RUNX1: variants seen among roughly 807,000 people sequenced by gnomAD.
RUNX1 encodes the protein RUNX family transcription factor 1.
Under a neutral mutation model 42.8 loss-of-function variants are expected in RUNX1, and 19 were observed. That is an observed-to-expected ratio of 0.44 (90% confidence interval 0.31 to 0.65). RUNX1 has a LOEUF of 0.65. Ranked by LOEUF, RUNX1 falls within the 30% of genes least tolerant of loss-of-function variation. RUNX1 has a pLI of 0.07. For missense variants in RUNX1, 528 were observed against 672.0 expected (o/e 0.79, Z 2.37); for synonymous variants, 271 against 289.4 (o/e 0.94, Z 0.64).
intron 6 of RUNX1, among the ~76,000 whole-genome samples, chr21:34,845,382 T>A (rs1197757124): frequency 6.6e-6 from 1 of 152,154 alleles, no homozygotes; most frequent in African/African-American, 2.4e-5. Flanking sequence ...TCCGGCAACA[T>A]TCCCCCTCCT....
intron 7 of RUNX1, among the ~76,000 whole-genome samples, chr21:34,815,318 T>A (rs1035503588): frequency 3.9e-5 from 6 of 152,106 alleles, no homozygotes; most frequent in Non-Finnish European, 7.3e-5. Flanking sequence ...TCCATTCAGC[T>A]GAAAATTAAA....
rs115109318 is a variant in RUNX1, at chr21:34,948,030, C to T, written c.59-55067G>A. ...GGTTTTCCGGGCTGCTGTTTCATCTCTCTCCCCATTACCCTCATCATCCCC... is the reference window on the plus strand; with the variant it reads ...GGTTTTCCGGGCTGCTGTTTCATCTTTCTCCCCATTACCCTCATCATCCCC... On this transcript the variant is annotated intron_variant, in intron 2 of 8. Transcript: ENST00000675419. Among the ~76,000 whole-genome samples the T allele has an allele frequency of 7.5e-3, 1,140 of 152,056 alleles. 7 individuals are homozygous for T. Among genetic ancestry groups the T allele is most frequent in the African/African-American group, 0.019 (804 of 41,440 alleles).
intron 2 of RUNX1, among the ~76,000 whole-genome samples, chr21:34,950,244 G>A (rs777617295): frequency 3.3e-5 from 5 of 152,046 alleles, no homozygotes; most frequent in Non-Finnish European, 5.9e-5. Context: ...TTCATAACCC[G>A]CATCTTATTT....
chr21:34,922,804 C>T (rs2058363736), intron 2 of RUNX1, among the ~76,000 whole-genome samples: 1 of 152,190 alleles, frequency 6.6e-6, no homozygotes, highest in African/African-American at 2.4e-5. Context: ...TGGGTTTCTG[C>T]TGCTTGGGAA....
intron 1 of RUNX1, 72 bp from the exon 2 acceptor site, chr21:35,049,030 C>A (rs1016070369): frequency 5.8e-5 from 46 of 799,724 alleles, no homozygotes; most frequent in Non-Finnish European, 8.0e-5. Context: ...TCTTTCTTCT[C>A]CCCTCTGCTG....
intron 2 of RUNX1, among the ~76,000 whole-genome samples, chr21:34,993,498 T>C (rs548179124): frequency 0.011 from 1,409 of 128,514 alleles, 30 homozygotes; most frequent in African/African-American, 0.043. Flanking sequence ...TGTTTGTCCC[T>C]ACACACACAC....
intron 2 of RUNX1, among the ~76,000 whole-genome samples, chr21:35,017,562 G>T (rs536416384): frequency 3.3e-5 from 5 of 152,292 alleles, no homozygotes; most frequent in African/African-American, 1.2e-4. Context: ...TACTTTTCAG[G>T]CTATCTGGTG....
At chr21:34,875,838 T>C (rs1204269332) in intron 5 of RUNX1, among the ~76,000 whole-genome samples, 2 of 152,206 alleles carry the variant, frequency 1.3e-5, no homozygotes, top group African/African-American at 4.8e-5. Context: ...TCCACTCACC[T>C]GAAGGGCAAC....
intron 7 of RUNX1, among the ~76,000 whole-genome samples, chr21:34,832,736 T>C (rs1240045970): frequency 6.6e-6 from 1 of 152,174 alleles, no homozygotes; most frequent in Non-Finnish European, 1.5e-5. Context: ...ATTTACCATA[T>C]ACGCTTGTAT....
At chr21:34,908,033 T>G (rs1298183756) in intron 2 of RUNX1, among the ~76,000 whole-genome samples, 1 of 152,178 alleles carries the variant, frequency 6.6e-6, no homozygotes, top group East Asian at 1.9e-4. Flanking sequence ...CTGCCACTCC[T>G]CCAAGAGCCG....
chr21:34,919,931 A>C (rs10460712), intron 2 of RUNX1, among the ~76,000 whole-genome samples: 117,626 of 152,130 alleles, frequency 0.77, 47,856 homozygotes, highest in South Asian at 0.92. Context: ...TCCTCACGGT[A>C]ATTGAGCAGA....
intron 2 of RUNX1, among the ~76,000 whole-genome samples, chr21:34,972,223 C>T (rs933751881): frequency 6.6e-6 from 1 of 152,196 alleles, no homozygotes; most frequent in South Asian, 2.1e-4. Flanking sequence ...ACATTGACCA[C>T]TGGGGGCCTT....
At chr21:34,957,232 G>A (rs758139515) in intron 2 of RUNX1, among the ~76,000 whole-genome samples, 48 of 152,120 alleles carry the variant, frequency 3.2e-4, no homozygotes, top group Non-Finnish European at 5.7e-4. Context: ...GATGAAAAGC[G>A]TTATGGGGCA....
intron 2 of RUNX1, among the ~76,000 whole-genome samples, chr21:34,965,357 A>C (rs2834701): frequency 0.54 from 82,328 of 151,784 alleles, 22,701 homozygotes; most frequent in African/African-American, 0.64. Context: ...AATCATCTGG[A>C]GCGTTTTTAT....
chr21:35,025,401 C>T (rs2059227893), intron 2 of RUNX1, among the ~76,000 whole-genome samples: 1 of 152,142 alleles, frequency 6.6e-6, no homozygotes, highest in South Asian at 2.1e-4. Context: ...TGAGCAGCAT[C>T]CTATCTGCTC....
intron 7 of RUNX1, among the ~76,000 whole-genome samples, chr21:34,824,995 T>C (rs552170429): frequency 3.3e-4 from 50 of 152,382 alleles, no homozygotes; most frequent in African/African-American, 1.1e-3. Flanking sequence ...TGGTAAACTT[T>C]GATACTACTT....
intron 7 of RUNX1, chr21:34,821,556 C>T (rs1280807502): frequency 1.8e-5 from 28 of 1,539,164 alleles, no homozygotes; most frequent in Non-Finnish European, 2.4e-5. Flanking sequence ...TTCCTCATAA[C>T]GTGCATTCTG....
At chr21:35,000,499 C>T (rs903150402) in intron 2 of RUNX1, among the ~76,000 whole-genome samples, 1 of 152,138 alleles carries the variant, frequency 6.6e-6, no homozygotes, top group Non-Finnish European at 1.5e-5. Context: ...CTCGGCCTCC[C>T]AAAGTGCTGG....
intron 2 of RUNX1, among the ~76,000 whole-genome samples, chr21:34,996,374 G>T (rs2058995917): frequency 6.6e-6 from 1 of 152,112 alleles, no homozygotes; most frequent in South Asian, 2.1e-4. Flanking sequence ...GTGGGACTGG[G>T]GTCAGAGGCT....
Sources: allele counts gnomAD v4.1 joint callset (sites outside exome capture counted in the v4.1 genomes callset), GRCh38; gene constraint gnomAD v4.1.1; transcripts MANE v1.5; gene names NCBI Gene and HGNC (gene_info 2026-07-23, HGNC 2026-07-21).